The following TPD52L2 variants were observed in gnomAD, a reference collection of about 807,000 sequenced individuals.
The protein encoded by TPD52L2 is TPD52 like 2.
Under a neutral mutation model 24.7 loss-of-function variants are expected in TPD52L2, and 19 were observed. The observed-to-expected ratio is 0.77, with a 90% CI of 0.54 to 1.13. TPD52L2 has a LOEUF of 1.13. Ranked by LOEUF, TPD52L2 falls within the 50% of genes most tolerant of loss-of-function variation. The pLI is 0.00. For synonymous variants in TPD52L2, 104 were observed against 100.2 expected, an observed-to-expected ratio of 1.04 and a Z score of -0.23; for missense variants, 236 against 250.4, an observed-to-expected ratio of 0.94 and a Z score of 0.39.
At chr20:63,873,873 G>A in intron 3 of TPD52L2, 57 bp downstream of exon 3, 3 of 1,417,732 alleles carry the variant, frequency 2.1e-6, no homozygotes. Context: ...CACCACACGT[G>A]CCCCGGCATG....
At chr20:63,869,777 A>G (rs951227275) in intron 2 of TPD52L2, among the ~76,000 whole-genome samples, 2 of 152,212 alleles carry the variant, frequency 1.3e-5, no homozygotes, top group Non-Finnish European at 2.9e-5. Context: ...CTTGATAATC[A>G]TTTTTAAGAC....
chr20:63,873,308 G>GGT (rs1332594188), intron 2 of TPD52L2, among the ~76,000 whole-genome samples: 1 of 151,584 alleles, frequency 6.6e-6, no homozygotes, highest in Non-Finnish European at 1.5e-5. Flanking sequence ...TGACCAACAT[G>GGT]GTGAAACCCC....
At chr20:63,879,701 G>T (rs1464358556) in intron 4 of TPD52L2, among the ~76,000 whole-genome samples, 14 of 139,110 alleles carry the variant, frequency 1.0e-4, no homozygotes, top group African/African-American at 3.8e-4. Flanking sequence ...CCACTCTTAG[G>T]GCACAAATGC....
In TPD52L2 at chr20:63,882,757, A is replaced by G. The variant is rs754886710; in HGVS notation, c.413A>G (p.Gln138Arg). The change falls in exon 5 of 7, where the codon CAG becomes CGG. Residue 138 changes from glutamine to arginine, a missense_variant. Transcript: ENST00000346249. ...KTQETLSQAG[Q>R]KTSAALSTVG... ...CAGGAAACTCTTTCACAGGCAGGAC[A>G]GAAGACTTCAGCTGCCCTGTCCACA... The G allele has an allele frequency of 1.9e-6, 3 of 1,614,048 alleles. No homozygotes were observed. The highest frequency in any genetic ancestry group is 2.7e-5 in the African/African-American group (2 of 74,954).
At chr20:63,872,448 G>T (rs2052503677) in intron 2 of TPD52L2, among the ~76,000 whole-genome samples, 1 of 152,030 alleles carries the variant, frequency 6.6e-6, no homozygotes, top group Non-Finnish European at 1.5e-5. Context: ...CATGATCTCG[G>T]CTCACTGCAA....
At chr20:63,867,073 C>T (rs2052277497) in intron 1 of TPD52L2, among the ~76,000 whole-genome samples, 2 of 151,988 alleles carry the variant, frequency 1.3e-5, no homozygotes, top group Admixed American at 6.6e-5. Flanking sequence ...CCTGCCTCAG[C>T]CTCCCGTGTA....
intron 5 of TPD52L2, chr20:63,887,513 C>T: frequency 6.2e-7 from 1 of 1,603,312 alleles, no homozygotes; most frequent in Non-Finnish European, 8.5e-7. Flanking sequence ...GTGTGTGGAT[C>T]TTGGTGTTAA....
chr20:63,865,310 C>G lies in TPD52L2; in HGVS notation c.-56C>G. On this transcript the variant is annotated 5_prime_UTR_variant, in exon 1 of 7. Transcript: ENST00000346249. ...TGTGTACGCGGCGAGCTTCTCCCGG[C>G]GCCGCCCGCTCGGCTCCCATAGCGC... The G allele has an allele frequency of 1.3e-6, 2 of 1,496,090 alleles. No individual in the cohort carries two copies. Among genetic ancestry groups the G allele is most frequent in the Non-Finnish European group, 1.8e-6 (2 of 1,128,804 alleles). The allele number at this position is 1,496,090 out of a possible 1,614,324, so 92.7% of individuals were successfully genotyped here. A position where few individuals can be genotyped will look rare whatever the true frequency, so the allele number is the denominator to read the frequency against.
chr20:63,876,524 T>C (rs2052683223), intron 4 of TPD52L2: 2 of 348,534 alleles, frequency 5.7e-6, no homozygotes, highest in Admixed American at 4.0e-5. Context: ...TTCATTTACT[T>C]GTGCTCTGAT....
intron 3 of TPD52L2, among the ~76,000 whole-genome samples, 192 bp from the exon 4 acceptor site, chr20:63,875,624 C>T (rs1318790487): frequency 2.6e-5 from 4 of 152,336 alleles, no homozygotes; most frequent in Non-Finnish European, 5.9e-5. Flanking sequence ...CCGCTATACC[C>T]ACAGCTCACC....
At chr20:63,886,126 G>A in intron 5 of TPD52L2, 2 of 1,404,040 alleles carry the variant, frequency 1.4e-6, no homozygotes. Flanking sequence ...TTGGGCGGCT[G>A]TGCTAGTAGA....
At chr20:63,886,499 C>T (rs943501760) in intron 5 of TPD52L2, among the ~76,000 whole-genome samples, 11 of 151,676 alleles carry the variant, frequency 7.3e-5, no homozygotes, top group East Asian at 5.8e-4. Context: ...GTAGCTGGGA[C>T]TACAGGCGCC....
Position 63,882,836 on chromosome 20 carries a change from G to T in TPD52L2, c.476+16G>T, listed in dbSNP as rs766413879. 4 of 1,596,352 alleles carry T rather than the reference G, an allele frequency of 2.5e-6. No homozygotes were observed. Among genetic ancestry groups the T allele is most frequent in the Non-Finnish European group, 2.6e-6 (3 of 1,168,854 alleles). On this transcript the variant is annotated intron_variant, in intron 5 of 6. Coordinates refer to ENST00000346249, the MANE Select transcript of TPD52L2 (RefSeq NM_003288.4). ...GAGACATGAGGTGAGACGCAACCCT[G>T]ACTCTGCTGCCCTGAGACCTGGCCA...
intron 4 of TPD52L2, among the ~76,000 whole-genome samples, chr20:63,879,976 C>A (rs60005693): frequency 3.4e-4 from 12 of 34,814 alleles, no homozygotes; most frequent in African/African-American, 1.7e-3. Context: ...CATCCCCACT[C>A]TTTAGGCACA....
At chr20:63,873,254 C>T (rs2052534543) in intron 2 of TPD52L2, among the ~76,000 whole-genome samples, 1 of 152,056 alleles carries the variant, frequency 6.6e-6, no homozygotes, top group African/African-American at 2.4e-5. Context: ...CTTTGGGAGG[C>T]TGAGGTGGGA....
At chr20:63,883,966 A>G (rs1354534961) in intron 5 of TPD52L2, among the ~76,000 whole-genome samples, 1 of 151,982 alleles carries the variant, frequency 6.6e-6, no homozygotes, top group Non-Finnish European at 1.5e-5. Flanking sequence ...ACAGACGGCC[A>G]CACACACCCA....
In TPD52L2 at chr20:63,887,796, G is replaced by C. The variant is rs578214901; in HGVS notation, c.477-1394G>C. 5.0e-5 allele frequency: 31 copies of C among 624,986 alleles called. No homozygotes were observed. The South Asian group carries it at 5.2e-4, about 10-fold the overall frequency. The allele number at this position is 624,986 out of a possible 1,614,324, so 38.7% of individuals were successfully genotyped here. On this transcript the variant is annotated intron_variant, in intron 5 of 6. Transcript: ENST00000346249. ...GCTGACGAGGAAGAGCTGGTAGGGG[G>C]TCAGGCTCTTCACCTGCAGCCTCCA...
At chr20:63,875,189 G>C (rs949890359) in intron 3 of TPD52L2, among the ~76,000 whole-genome samples, 1 of 150,184 alleles carries the variant, frequency 6.7e-6, no homozygotes, top group African/African-American at 2.4e-5. Flanking sequence ...AGGACCATAT[G>C]GTCCCACAAC....
intron 1 of TPD52L2, among the ~76,000 whole-genome samples, chr20:63,867,847 A>G (rs996655146): frequency 1.3e-5 from 2 of 148,288 alleles, no homozygotes; most frequent in African/African-American, 5.0e-5. Flanking sequence ...CATATTGGCC[A>G]GGCTGGTCTT....
Sources: gnomAD v4.1 joint callset for allele counts (sites outside exome capture counted in the v4.1 genomes callset) on GRCh38, gnomAD v4.1.1 for gene constraint, MANE v1.5 for transcripts, NCBI Gene and HGNC (gene_info 2026-07-23, HGNC 2026-07-21) for gene names.